Variants in EBF1 observed in about 807,000 individuals in gnomAD.
EBF1 encodes transcription factor COE1.
A neutral mutation model predicts 68.4 loss-of-function variants in EBF1; 10 were observed. That is an observed-to-expected ratio of 0.15 (90% CI 0.09 to 0.25). EBF1 has a LOEUF of 0.25. Among genes scored for constraint, EBF1 ranks in the 10% least tolerant of loss-of-function variants. The pLI is 1.00. For missense variants in EBF1, 509 were observed against 794.4 expected, an observed-to-expected ratio of 0.64 and a Z score of 4.32; for synonymous variants, 298 against 299.8, an observed-to-expected ratio of 0.99 and a Z score of 0.06.
At chr5:158,914,154 C>T (rs1388683511) in intron 6 of EBF1, among the ~76,000 whole-genome samples, 1 of 152,158 alleles carries the variant, frequency 6.6e-6, no homozygotes, top group Non-Finnish European at 1.5e-5. Context: ...AGCTTGTTAA[C>T]CTTCATCTTA....
chr5:159,077,146 C>G (rs562451142), intron 5 of EBF1, among the ~76,000 whole-genome samples: 1 of 152,218 alleles, frequency 6.6e-6, no homozygotes, highest in African/African-American at 2.4e-5. Flanking sequence ...TTTAGAAATG[C>G]CTTCCCCTCT....
At chr5:158,723,560 A>C (rs1356005206) in intron 11 of EBF1, among the ~76,000 whole-genome samples, 1 of 152,042 alleles carries the variant, frequency 6.6e-6, no homozygotes, top group African/African-American at 2.4e-5. Context: ...TCTTACAGTC[A>C]ATGTGTATTG....
intron 9 of EBF1, among the ~76,000 whole-genome samples, chr5:158,795,768 T>C (rs150413176): frequency 7.9e-5 from 12 of 152,264 alleles, no homozygotes; most frequent in Middle Eastern, 3.4e-3. Flanking sequence ...ACATAGTCAT[T>C]TTCATGGGGT....
intron 6 of EBF1, among the ~76,000 whole-genome samples, chr5:158,944,400 A>T (rs1814192056): frequency 6.6e-6 from 1 of 152,186 alleles, no homozygotes; most frequent in Non-Finnish European, 1.5e-5. Context: ...ACATGAACTC[A>T]TTCTTTTTTA....
At chr5:158,989,298 T>A (rs912784662) in intron 6 of EBF1, among the ~76,000 whole-genome samples, 3 of 152,218 alleles carry the variant, frequency 2.0e-5, no homozygotes, top group Non-Finnish European at 4.4e-5. Context: ...GAGCTGTGCT[T>A]AGTTTTTAAC....
chr5:159,064,899 C>CTTTTTTTTTT (rs57256923), intron 6 of EBF1, among the ~76,000 whole-genome samples: 78 of 67,920 alleles, frequency 1.1e-3, no homozygotes, highest in Non-Finnish European at 1.4e-3. Flanking sequence ...CTCTTTTCAT[C>CTTTTTTTTTT]TTTTTTTTTT....
chr5:158,894,881 T>C (rs1342116788), intron 6 of EBF1, among the ~76,000 whole-genome samples: 1 of 152,232 alleles, frequency 6.6e-6, no homozygotes, highest in Non-Finnish European at 1.5e-5. Flanking sequence ...GTCCCTTATC[T>C]GGTTTCCTTT....
intron 11 of EBF1, among the ~76,000 whole-genome samples, chr5:158,717,319 A>G (rs548228684): frequency 2.0e-5 from 3 of 152,354 alleles, no homozygotes; most frequent in South Asian, 4.1e-4. Context: ...GGATGTTAAA[A>G]AAAGAAATTT....
chr5:158,970,666 G>A (rs1047533840), intron 6 of EBF1, among the ~76,000 whole-genome samples: 5 of 152,114 alleles, frequency 3.3e-5, no homozygotes, highest in East Asian at 1.9e-4. Flanking sequence ...AAGCACCTAC[G>A]GGTTAAAGCA....
intron 5 of EBF1, among the ~76,000 whole-genome samples, chr5:159,075,551 T>C (rs1778610706): frequency 6.6e-6 from 1 of 152,216 alleles, no homozygotes; most frequent in Non-Finnish European, 1.5e-5. Context: ...CACAAGGGTC[T>C]GTTTTTAAAG....
At chr5:159,064,222 A>T (rs1776349865) in intron 6 of EBF1, among the ~76,000 whole-genome samples, 1 of 152,228 alleles carries the variant, frequency 6.6e-6, no homozygotes, top group African/African-American at 2.4e-5. Flanking sequence ...CTGAAAGTTA[A>T]TTGTGACATC....
At chr5:158,987,709 G>A (rs576039528) in intron 6 of EBF1, among the ~76,000 whole-genome samples, 13 of 152,126 alleles carry the variant, frequency 8.5e-5, no homozygotes, top group African/African-American at 3.1e-4. Context: ...CATTTCACAG[G>A]GATCACAACA....
At chr5:158,865,829 C>T (rs186223634) in intron 6 of EBF1, among the ~76,000 whole-genome samples, 5 of 152,146 alleles carry the variant, frequency 3.3e-5, no homozygotes, top group South Asian at 2.1e-4. Context: ...TAACCATGTC[C>T]GTATCACAGA....
rs59274919 is a variant in EBF1 at position 158,909,956 on chromosome 5, TAAAAAAAAAA to T, written c.555-69856_555-69847del. ...TGGTGACAGAACGAGACTCTGTCTA[TAAAAAAAAAA>T]AAAAAAAAAAAAAAAAAAAATGCAG... On this transcript the variant is annotated intron_variant, in intron 6 of 15. Coordinates refer to ENST00000313708, the MANE Select transcript of EBF1 (RefSeq NM_024007.5). 4.2e-3 allele frequency among the ~76,000 whole-genome samples: 196 copies of T among 46,736 alleles called. 5 individuals carry two copies. Among genetic ancestry groups the T allele is most frequent in the East Asian group, 0.016 (23 of 1,464 alleles). The allele number at this position is 46,736 out of a possible 152,430, so 30.7% of individuals were successfully genotyped here.
At chr5:158,703,064 A>G (rs1210913939) in intron 15 of EBF1, among the ~76,000 whole-genome samples, 1 of 152,204 alleles carries the variant, frequency 6.6e-6, no homozygotes, top group Non-Finnish European at 1.5e-5. Context: ...GGGGGTTCCA[A>G]TGGCATGTAA....
intron 15 of EBF1, among the ~76,000 whole-genome samples, chr5:158,699,937 T>C (rs949521813): frequency 6.6e-6 from 1 of 152,238 alleles, no homozygotes; most frequent in African/African-American, 2.4e-5. Flanking sequence ...TAGTGGTATT[T>C]AGAGAACACA....
chr5:158,943,969 T>A (rs1814083906), intron 6 of EBF1, among the ~76,000 whole-genome samples: 1 of 152,208 alleles, frequency 6.6e-6, no homozygotes, highest in Admixed American at 6.5e-5. Context: ...GAGCCCGGAC[T>A]GCGCCTTCCT....
Position 158,777,422 on chromosome 5 carries a change from T to C in EBF1, c.1027A>G (p.Ile343Val). 6.2e-7 allele frequency: 1 copy of C among 1,611,426 alleles called. No homozygotes were observed. Among genetic ancestry groups the C allele is most frequent in the South Asian group, 1.1e-5 (1 of 90,634 alleles). ...GTGCTGTGGTTCTTACCTGTATAAA[T>C]GAATCTGCCTGGTGTTCCTTTGCAG... ...QFCKGTPGRFIYTALNEPTID... is the reference protein window; with the variant it reads ...QFCKGTPGRFVYTALNEPTID... Residue 343 changes from isoleucine (I) to valine (V), a missense_variant, in exon 10 of 16, where the codon ATT becomes GTT. This residue lies in a region of EBF1 where 230 missense variants were observed against 467.7 expected (regional missense o/e 0.49). Transcript: ENST00000313708.
intron 6 of EBF1, among the ~76,000 whole-genome samples, chr5:158,957,434 A>C (rs1817358581): frequency 6.6e-6 from 1 of 152,268 alleles, no homozygotes; most frequent in East Asian, 1.9e-4. Flanking sequence ...TAGGTCTGGC[A>C]TAATATCTGG....
Sources: gnomAD v4.1 joint callset for allele counts (sites outside exome capture counted in the v4.1 genomes callset) on GRCh38, gnomAD v4.1.1 for gene constraint, gnomAD v4.1.1 regional missense constraint, MANE v1.5 for transcripts, NCBI Gene and HGNC (gene_info 2026-07-23, HGNC 2026-07-21) for gene names.